Variants in NRCAM observed in about 807,000 individuals in gnomAD.
NRCAM encodes NgCAM-related cell adhesion molecule.
Under a neutral mutation model 156.5 loss-of-function variants are expected in NRCAM, and 83 were observed. The observed-to-expected ratio is 0.53, with a 90% CI of 0.44 to 0.64. NRCAM has a LOEUF of 0.64. Ranked by LOEUF, NRCAM falls within the 30% of genes least tolerant of loss-of-function variation. The pLI is 0.00. For missense variants in NRCAM, 1,417 were observed against 1,597.3 expected (o/e 0.89, Z 1.92); for synonymous variants, 538 against 563.9 (o/e 0.95, Z 0.65).
intron 28 of NRCAM, among the ~76,000 whole-genome samples, chr7:108,170,204 T>C (rs1025394908): frequency 3.9e-5 from 6 of 152,096 alleles, no homozygotes; most frequent in African/African-American, 1.2e-4. Flanking sequence ...AATGGAATAT[T>C]ATTCCGACTT....
intron 3 of NRCAM, among the ~76,000 whole-genome samples, chr7:108,257,102 GGAAAA>G (rs369855344): frequency 2.5e-4 from 38 of 149,550 alleles, no homozygotes; most frequent in East Asian, 1.2e-3. Flanking sequence ...AAGGAAGGAA[GGAAAA>G]GAAAAGAAAA....
At chr7:108,410,872 C>T (rs1046577579) in intron 1 of NRCAM, among the ~76,000 whole-genome samples, 20 of 152,136 alleles carry the variant, frequency 1.3e-4, no homozygotes, top group Middle Eastern at 3.2e-3. Flanking sequence ...CAAAGAAAAA[C>T]GCCTTGTTTG....
chr7:108,257,118 G>GAA (rs901362740), intron 3 of NRCAM, among the ~76,000 whole-genome samples: 1 of 145,766 alleles, frequency 6.9e-6, no homozygotes, highest in Non-Finnish European at 1.5e-5. Flanking sequence ...GAAAAGAAAA[G>GAA]AAGAGAAAGG....
At chr7:108,350,289 G>A (rs1465737849) in intron 2 of NRCAM, among the ~76,000 whole-genome samples, 2 of 152,194 alleles carry the variant, frequency 1.3e-5, no homozygotes, top group Non-Finnish European at 2.9e-5. Context: ...CATTATCAGT[G>A]TTCCTCTGGG....
At chr7:108,376,411 CTCTCCTAGTGGCCTTCTAA>C (rs2099675933) in intron 2 of NRCAM, among the ~76,000 whole-genome samples, 1 of 152,134 alleles carries the variant, frequency 6.6e-6, no homozygotes, top group Non-Finnish European at 1.5e-5. Flanking sequence ...AAGTTCTATG[CTCTCCTAGTGGCCTTCTAA>C]TAAACTGCCT....
At chr7:108,392,011 T>C (rs1563592320) in intron 2 of NRCAM, among the ~76,000 whole-genome samples, 1 of 152,238 alleles carries the variant, frequency 6.6e-6, no homozygotes, top group Non-Finnish European at 1.5e-5. Flanking sequence ...TTAACCTTTT[T>C]TCCTTCATTT....
intron 14 of NRCAM, among the ~76,000 whole-genome samples, chr7:108,196,562 C>A (rs1208291279): frequency 2.6e-5 from 4 of 152,048 alleles, no homozygotes; most frequent in Non-Finnish European, 5.9e-5. Flanking sequence ...ATACAAACAG[C>A]CAACAGGTAT....
intron 2 of NRCAM, among the ~76,000 whole-genome samples, chr7:108,347,036 T>G (rs970509839): frequency 7.5e-6 from 1 of 133,872 alleles, no homozygotes; most frequent in Non-Finnish European, 1.6e-5. Context: ...ATTTCTGTTT[T>G]TTTTTTTTTT....
At position 108,240,009 on chromosome 7, in the gene NRCAM, A is replaced by G. The variant is rs976296030; in HGVS notation, c.56T>C (p.Leu19Pro). Residue 19 changes from leucine to proline, a missense_variant, in exon 4 of 33, where the codon CTG (leucine) becomes CCG (proline). Physicochemically the swap from Leu to Pro is moderately conservative, Grantham distance 98 (BLOSUM62 -3). Around this residue, in one of 2 missense-constraint regions of NRCAM, gnomAD observed 1,238 missense variants for 1,336.4 expected, o/e 0.93. Coordinates refer to ENST00000379028, the MANE Select transcript of NRCAM (RefSeq NM_001037132.4). ...AATCATCTGGCACAGGAAGAGAATCAGGGGCACTCTGCCCGCAGATAAGCG... is the reference window on the plus strand; with the variant it reads ...AATCATCTGGCACAGGAAGAGAATCGGGGGCACTCTGCCCGCAGATAAGCG... ...KKRLSAGRVP[L>P]ILFLCQMISA... 6.2e-7 allele frequency: 1 copy of G among 1,613,284 alleles called. No homozygotes were observed. The highest frequency in any genetic ancestry group is 1.3e-5 in the African/African-American group (1 of 74,882).
intron 6 of NRCAM, among the ~76,000 whole-genome samples, chr7:108,233,843 G>T (rs888999152): frequency 3.9e-5 from 6 of 152,134 alleles, no homozygotes; most frequent in Non-Finnish European, 7.4e-5. Flanking sequence ...TTCCATATAT[G>T]ACTGGACATG....
intron 2 of NRCAM, among the ~76,000 whole-genome samples, chr7:108,392,052 T>C (rs1224864106): frequency 6.6e-6 from 1 of 152,196 alleles, no homozygotes; most frequent in African/African-American, 2.4e-5. Flanking sequence ...ATTATGTGTC[T>C]TGGAGTTGCT....
Position 108,149,484 on chromosome 7 carries a change from C to A in NRCAM, c.*426G>T. 1 of 172,662 alleles carries A rather than the reference C, an allele frequency of 5.8e-6. No homozygotes were observed. Among genetic ancestry groups the A allele is most frequent in the South Asian group, 1.5e-4 (1 of 6,744 alleles). The allele number at this position is 172,662 out of a possible 1,614,324, so 10.7% of individuals were successfully genotyped here. On this transcript the variant is annotated 3_prime_UTR_variant, in exon 33 of 33. Coordinates refer to ENST00000379028, the MANE Select transcript of NRCAM (RefSeq NM_001037132.4). ...TTCTAGAGAATACTACAGTAACATT[C>A]TTGACAATGAAAACGGAATTCATAT... is the stretch of plus-strand genomic sequence containing the variant.
intron 5 of NRCAM, among the ~76,000 whole-genome samples, chr7:108,235,152 G>C (rs1292497535): frequency 6.6e-6 from 1 of 152,148 alleles, no homozygotes; most frequent in African/African-American, 2.4e-5. Flanking sequence ...AAATACATTT[G>C]AGAAGTTAAT....
intron 1 of NRCAM, among the ~76,000 whole-genome samples, chr7:108,455,506 A>G (rs1030101712): frequency 7.2e-5 from 11 of 152,050 alleles, no homozygotes; most frequent in South Asian, 2.1e-4. Context: ...CCTCGGAGGC[A>G]GGGCGGGGCG....
At chr7:108,154,073 G>C (rs939960090) in intron 32 of NRCAM, among the ~76,000 whole-genome samples, 2 of 152,092 alleles carry the variant, frequency 1.3e-5, no homozygotes, top group African/African-American at 4.8e-5. Flanking sequence ...CTGATTCTAT[G>C]ATGTACAAAT....
chr7:108,453,005 G>T (rs922352616), intron 1 of NRCAM, among the ~76,000 whole-genome samples: 2 of 149,874 alleles, frequency 1.3e-5, no homozygotes, highest in Non-Finnish European at 3.0e-5. Context: ...CAAGTTCATC[G>T]GCTATGCATT....
At chr7:108,290,225 A>G (rs1308430544) in intron 3 of NRCAM, among the ~76,000 whole-genome samples, 1 of 152,118 alleles carries the variant, frequency 6.6e-6, no homozygotes, top group Non-Finnish European at 1.5e-5. Flanking sequence ...CTTGCATACT[A>G]TGTGGGCATT....
intron 32 of NRCAM, among the ~76,000 whole-genome samples, chr7:108,151,872 A>G (rs150402708): frequency 3.9e-5 from 6 of 152,336 alleles, no homozygotes; most frequent in Middle Eastern, 3.4e-3. Context: ...TCCAATGACT[A>G]GTCTTATTCT....
intron 1 of NRCAM, among the ~76,000 whole-genome samples, chr7:108,439,544 T>C (rs1836108836): frequency 6.6e-6 from 1 of 152,150 alleles, no homozygotes. Context: ...CCATGGTCAC[T>C]AGAATGGACA....
Sources: allele counts gnomAD v4.1 joint callset (sites outside exome capture counted in the v4.1 genomes callset), GRCh38; gene constraint gnomAD v4.1.1; regional missense constraint gnomAD v4.1.1; transcripts MANE v1.5; gene names NCBI Gene and HGNC (gene_info 2026-07-23, HGNC 2026-07-21).